The following EEFSEC variants were observed in gnomAD, a reference collection of about 807,000 sequenced individuals.
EEFSEC encodes the protein selenocysteine-specific elongation factor.
EEFSEC carries 43 observed loss-of-function variants against 42.1 expected under a neutral mutation model. The ratio of observed to expected loss-of-function variants is 1.02; its 90% CI spans 0.80 to 1.32. The LOEUF (loss-of-function observed/expected upper bound fraction) is 1.32. EEFSEC is among the 40% of genes most tolerant of loss of function. The pLI is 0.00. For missense variants in EEFSEC, 745 were observed against 803.6 expected (o/e 0.93, Z 0.88); for synonymous variants, 354 against 339.1 (o/e 1.04, Z -0.48).
chr3:128,209,702 A>T (rs2065736197), intron 1 of EEFSEC, among the ~76,000 whole-genome samples: 2 of 152,380 alleles, frequency 1.3e-5, no homozygotes, highest in South Asian at 4.1e-4. Flanking sequence ...ACAAGTACAC[A>T]TATATACACG....
Position 128,369,075 on chromosome 3 carries a change from A to G in EEFSEC, c.1600+10702A>G, listed in dbSNP as rs985013898. Among the ~76,000 whole-genome samples the G allele has an allele frequency of 4.6e-5, 7 of 152,338 alleles. No individual in the cohort carries two copies. In the South Asian group the frequency reaches 1.5e-3, roughly 32 times the overall value. On this transcript the variant is annotated intron_variant, in intron 6 of 6. Transcript: ENST00000254730. ...TCTTCCTCCTGCTGCAGCCTTCAAG[A>G]GGAGGCCATCGCCCTGTTTCTCCCA...
chr3:128,306,513 A>G (rs2066829008), intron 4 of EEFSEC, among the ~76,000 whole-genome samples: 1 of 152,088 alleles, frequency 6.6e-6, no homozygotes, highest in Admixed American at 6.5e-5. Context: ...CTATTTGTTA[A>G]CGTAATCTAT....
intron 4 of EEFSEC, among the ~76,000 whole-genome samples, chr3:128,289,345 A>T (rs1302165179): frequency 6.6e-6 from 1 of 152,222 alleles, no homozygotes; most frequent in Middle Eastern, 3.2e-3. Context: ...GCACATTCTC[A>T]GTACCTTCCA....
chr3:128,314,313 A>C (rs1485625719), intron 4 of EEFSEC, among the ~76,000 whole-genome samples: 1 of 152,026 alleles, frequency 6.6e-6, no homozygotes, highest in Non-Finnish European at 1.5e-5. Context: ...GAAGCTCAAC[A>C]TTGTTGACAT....
chr3:128,341,969 G>C (rs1165781015), intron 5 of EEFSEC, 80 bp downstream of exon 5: 2 of 1,522,626 alleles, frequency 1.3e-6, no homozygotes, highest in African/African-American at 2.7e-5. Flanking sequence ...CATCTGTGAT[G>C]AGAGCCAGAA....
chr3:128,233,540 C>T (rs2065979550), intron 1 of EEFSEC, among the ~76,000 whole-genome samples: 2 of 152,176 alleles, frequency 1.3e-5, no homozygotes, highest in African/African-American at 4.8e-5. Context: ...CTTTACCAGC[C>T]CTTGCTCTCA....
chr3:128,252,709 A>C (rs914254547), intron 2 of EEFSEC, among the ~76,000 whole-genome samples: 1 of 152,226 alleles, frequency 6.6e-6, no homozygotes, highest in African/African-American at 2.4e-5. Context: ...ATATATATGT[A>C]TATACACACA....
intron 3 of EEFSEC, among the ~76,000 whole-genome samples, 177 bp from the exon 4 acceptor site, chr3:128,264,440 G>T (rs2066330439): frequency 6.6e-6 from 1 of 152,184 alleles, no homozygotes; most frequent in Admixed American, 6.5e-5. Context: ...TTGGAATGCA[G>T]TCAGGGAGTT....
intron 1 of EEFSEC, among the ~76,000 whole-genome samples, chr3:128,193,858 A>G (rs1251582439): frequency 2.0e-5 from 3 of 152,138 alleles, no homozygotes; most frequent in African/African-American, 7.2e-5. Context: ...ATATCAGCAG[A>G]TGTGTTTTTC....
At chr3:128,241,858 T>C (rs1023770515) in intron 1 of EEFSEC, among the ~76,000 whole-genome samples, 5 of 152,362 alleles carry the variant, frequency 3.3e-5, no homozygotes, top group African/African-American at 1.2e-4. Context: ...ACATAGGCAG[T>C]ATCATCGTCC....
At chr3:128,272,371 G>C (rs755398381) in intron 4 of EEFSEC, among the ~76,000 whole-genome samples, 3 of 152,172 alleles carry the variant, frequency 2.0e-5, no homozygotes, top group Admixed American at 6.5e-5. Flanking sequence ...CTGCTTTTTG[G>C]AACTCAACAG....
chr3:128,377,150 C>T (rs554868310), intron 6 of EEFSEC, among the ~76,000 whole-genome samples: 80 of 152,244 alleles, frequency 5.3e-4, no homozygotes, highest in African/African-American at 1.8e-3. Context: ...AATATTTTGA[C>T]TTAGTTTCTT....
intron 6 of EEFSEC, among the ~76,000 whole-genome samples, chr3:128,400,054 A>C (rs59640900): frequency 0.034 from 5,132 of 152,016 alleles, 269 homozygotes; most frequent in African/African-American, 0.12. Context: ...CACATTAGGG[A>C]CACTTCTGCC....
chr3:128,301,575 GC>G (rs2108004275), intron 4 of EEFSEC, among the ~76,000 whole-genome samples: 1 of 152,292 alleles, frequency 6.6e-6, no homozygotes, highest in Non-Finnish European at 1.5e-5. Context: ...TGGACTCCAG[GC>G]CTGCTAAACG....
chr3:128,167,118 C>G (rs998455330), intron 1 of EEFSEC, among the ~76,000 whole-genome samples: 1 of 152,144 alleles, frequency 6.6e-6, no homozygotes, highest in Non-Finnish European at 1.5e-5. Flanking sequence ...GCTGCATATT[C>G]TGGCTACGTG....
At chr3:128,409,361 C>CGTGT (rs60523218), downstream of EEFSEC, among the ~76,000 whole-genome samples, 206 of 149,770 alleles carry the variant, frequency 1.4e-3, 1 homozygote, top group African/African-American at 4.5e-3. Flanking sequence ...GCCCCAGAGC[C>CGTGT]GTGTGTGTGT....
intron 1 of EEFSEC, among the ~76,000 whole-genome samples, chr3:128,209,415 A>G (rs965714149): frequency 2.0e-5 from 3 of 152,164 alleles, no homozygotes; most frequent in Non-Finnish European, 4.4e-5. Context: ...AGGGGAAGAC[A>G]GTGAAGAGAT....
intron 2 of EEFSEC, among the ~76,000 whole-genome samples, chr3:128,259,128 T>C (rs1405838604): frequency 6.6e-6 from 1 of 152,166 alleles, no homozygotes; most frequent in Non-Finnish European, 1.5e-5. Flanking sequence ...TCTAGCACAA[T>C]TGCTTGTACC....
At chr3:128,252,687 T>TTATAAATTCA (rs1349813528) in intron 2 of EEFSEC, among the ~76,000 whole-genome samples, 1 of 152,224 alleles carries the variant, frequency 6.6e-6, no homozygotes, top group East Asian at 1.9e-4. Flanking sequence ...TTTATATGGA[T>TTATAAATTCA]TATAAATTCA....
Sources: gnomAD v4.1 joint callset for allele counts (sites outside exome capture counted in the v4.1 genomes callset) on GRCh38, gnomAD v4.1.1 for gene constraint, MANE v1.5 for transcripts, NCBI Gene and HGNC (gene_info 2026-07-23, HGNC 2026-07-21) for gene names.